BCAR3: variants seen among roughly 807,000 people sequenced by gnomAD.
BCAR3 encodes BCAR3 adaptor protein, NSP family member.
Under a neutral mutation model 80.1 loss-of-function variants are expected in BCAR3, and 37 were observed. The ratio of observed to expected loss-of-function variants is 0.46; its 90% CI spans 0.36 to 0.61. The LOEUF is 0.61. Among genes scored for constraint, BCAR3 ranks in the 20% least tolerant of loss-of-function variants. BCAR3 has a pLI of 0.00. For synonymous variants in BCAR3, 389 were observed against 418.9 expected (o/e 0.93, Z 0.87); for missense variants, 978 against 1,068.2 (o/e 0.92, Z 1.18).
chr1:93,673,177 C>A (rs1314047996), intron 2 of BCAR3, among the ~76,000 whole-genome samples: 1 of 152,214 alleles, frequency 6.6e-6, no homozygotes, highest in Non-Finnish European at 1.5e-5. Context: ...TCCTCTATAG[C>A]ATTTGGTATA....
chr1:93,730,035 A>G (rs1650728129), intron 2 of BCAR3, among the ~76,000 whole-genome samples: 1 of 152,240 alleles, frequency 6.6e-6, no homozygotes, highest in South Asian at 2.1e-4. Context: ...TTATTTTAAG[A>G]AAGTAGAACT....
intron 2 of BCAR3, among the ~76,000 whole-genome samples, chr1:93,827,468 A>G (rs796615936): frequency 6.6e-6 from 1 of 151,974 alleles, no homozygotes; most frequent in African/African-American, 2.4e-5. Flanking sequence ...TCCCTCCGAG[A>G]GGGCTGTCTC....
At chr1:93,590,106 T>C (rs1674110323) in intron 4 of BCAR3, 2 of 152,232 alleles carry the variant, frequency 1.3e-5, no homozygotes, top group Non-Finnish European at 2.9e-5. Flanking sequence ...AATTACTGGC[T>C]AGAAGGCCTA....
chr1:93,801,108 T>C (rs761931064), intron 2 of BCAR3, among the ~76,000 whole-genome samples: 3 of 152,254 alleles, frequency 2.0e-5, no homozygotes, highest in Non-Finnish European at 4.4e-5. Flanking sequence ...TTCCTTTTCT[T>C]CCTTTTGTTT....
intron 2 of BCAR3, among the ~76,000 whole-genome samples, chr1:93,647,006 T>A (rs1013840735): frequency 7.2e-5 from 11 of 152,196 alleles, no homozygotes; most frequent in Non-Finnish European, 1.6e-4. Context: ...TATTTGATAT[T>A]AAGTATCTGG....
chr1:93,607,086 G>A (rs1438708875), intron 3 of BCAR3, among the ~76,000 whole-genome samples: 1 of 152,148 alleles, frequency 6.6e-6, no homozygotes, highest in Non-Finnish European at 1.5e-5. Flanking sequence ...ATAGACACTG[G>A]GGACTCCAAA....
intron 2 of BCAR3, among the ~76,000 whole-genome samples, chr1:93,642,570 T>C (rs1202236026): frequency 6.6e-6 from 1 of 152,188 alleles, no homozygotes; most frequent in African/African-American, 2.4e-5. Context: ...CCCAGAATGT[T>C]AGAGTATTTA....
At chr1:93,624,933 A>G (rs1234408952) in intron 3 of BCAR3, among the ~76,000 whole-genome samples, 2 of 152,174 alleles carry the variant, frequency 1.3e-5, no homozygotes, top group Non-Finnish European at 2.9e-5. Flanking sequence ...TTTTACGGCC[A>G]GGCGCGGTGG....
intron 2 of BCAR3, among the ~76,000 whole-genome samples, chr1:93,665,100 C>A (rs2101935936): frequency 6.6e-6 from 1 of 152,316 alleles, no homozygotes; most frequent in South Asian, 2.1e-4. Flanking sequence ...GACCTGTCTT[C>A]CCGGGCAGAC....
intron 8 of BCAR3, among the ~76,000 whole-genome samples, chr1:93,573,907 G>T (rs149677778): frequency 1.3e-5 from 2 of 152,166 alleles, no homozygotes; most frequent in Non-Finnish European, 2.9e-5. Flanking sequence ...GGGATTACAG[G>T]CATGAGCCAC....
At chr1:93,843,548 C>T (rs1557707525) in intron 2 of BCAR3, among the ~76,000 whole-genome samples, 1 of 152,202 alleles carries the variant, frequency 6.6e-6, no homozygotes, top group Non-Finnish European at 1.5e-5. Context: ...AGGGTCCTGA[C>T]TCCACAGGCT....
Position 93,592,269 on chromosome 1 carries a change from C to T in BCAR3, c.482G>A (p.Arg161Gln), listed in dbSNP as rs1252925845. ...SHAWYHGRIPRQVSENLVQRD... is the reference protein window; with the variant it reads ...SHAWYHGRIPQQVSENLVQRD... ...GGAAGGGACAAGACCAGGTACCTGT[C>T]GGGGGATGCGGCCGTGGTACCAGGC... is the stretch of plus-strand genomic sequence containing the variant. Residue 161 changes from arginine to glutamine, a missense_variant, in exon 4 of 12, where the codon CGA becomes CAA. Coordinates refer to ENST00000260502, the MANE Select transcript of BCAR3 (RefSeq NM_003567.4). This position sits in a 1 kb window ranked among gnomAD's most constrained non-coding sequence, Gnocchi z 4.8. The T allele has an allele frequency of 1.3e-5, 21 of 1,613,278 alleles. No individual in the cohort carries two copies. The highest frequency in any genetic ancestry group is 4.5e-5 in the East Asian group (2 of 44,862).
chr1:93,674,587 C>G (rs908036088), intron 2 of BCAR3, 27 bp downstream of exon 2: 2 of 1,607,114 alleles, frequency 1.2e-6, no homozygotes, highest in Non-Finnish European at 8.5e-7. Context: ...GACAAATCAT[C>G]TTCACTAGTG....
intron 2 of BCAR3, among the ~76,000 whole-genome samples, chr1:93,785,069 G>A (rs1030051943): frequency 7.9e-5 from 12 of 152,244 alleles, no homozygotes; most frequent in Non-Finnish European, 1.5e-5. Flanking sequence ...CATTCTGGGA[G>A]TTGGGGCATA....
chr1:93,577,780 C>T (rs1339922228), intron 7 of BCAR3, among the ~76,000 whole-genome samples: 4 of 152,270 alleles, frequency 2.6e-5, no homozygotes, highest in Admixed American at 1.3e-4. Context: ...GTGTCCCCCA[C>T]GCTCTGGGTG....
chr1:93,568,793 G>C (rs1201039889), intron 9 of BCAR3, among the ~76,000 whole-genome samples: 1 of 152,168 alleles, frequency 6.6e-6, no homozygotes, highest in Non-Finnish European at 1.5e-5. Context: ...TGTATGGATA[G>C]CTATAGTTTA....
At chr1:93,776,783 G>C (rs2100750716) in intron 2 of BCAR3, among the ~76,000 whole-genome samples, 1 of 152,198 alleles carries the variant, frequency 6.6e-6, no homozygotes, top group Non-Finnish European at 1.5e-5. Context: ...CCAATAGGTG[G>C]TATGCTCTGC....
At chr1:93,675,028 C>A (rs1021428413) in intron 1 of BCAR3, 87 bp from the exon 2 acceptor site, 1 of 1,102,832 alleles carries the variant, frequency 9.1e-7, no homozygotes, top group Non-Finnish European at 1.3e-6. Context: ...TGGAAATATG[C>A]CACATAAAAT....
At chr1:93,564,518 TC>T (rs2101794710) in intron 11 of BCAR3, among the ~76,000 whole-genome samples, 1 of 152,210 alleles carries the variant, frequency 6.6e-6, no homozygotes, top group South Asian at 2.1e-4. Context: ...CCTCAGGTGA[TC>T]CGCCTGCCTC....
Sources: gnomAD v4.1 joint callset for allele counts (sites outside exome capture counted in the v4.1 genomes callset) on GRCh38, gnomAD v4.1.1 for gene constraint, Gnocchi (gnomAD v3.1) non-coding constraint, MANE v1.5 for transcripts, NCBI Gene and HGNC (gene_info 2026-07-23, HGNC 2026-07-21) for gene names.